Variants in FADS1 observed in about 807,000 individuals in gnomAD.
The protein encoded by FADS1 is acyl-CoA (8-3)-desaturase.
A neutral mutation model predicts 61.6 loss-of-function variants in FADS1; 17 were observed. The observed-to-expected ratio is 0.28, with a 90% CI of 0.19 to 0.41. FADS1 has a LOEUF of 0.41. FADS1 is among the 10% of genes least tolerant of loss of function. FADS1 has a pLI of 1.00. For synonymous variants in FADS1, 238 were observed against 258.7 expected (o/e 0.92, Z 0.77); for missense variants, 387 against 650.9 (o/e 0.59, Z 4.41).
At chr11:61,813,545 C>T in intron 1 of FADS1, 192 bp from the exon 2 acceptor site, 1 of 578,114 alleles carries the variant, frequency 1.7e-6, no homozygotes, top group Non-Finnish European at 3.0e-6. Context: ...TTGTAAAATG[C>T]ACCAATCCGT....
chr11:61,809,908 C>T (rs1023812884), intron 5 of FADS1, among the ~76,000 whole-genome samples: 5 of 152,192 alleles, frequency 3.3e-5, no homozygotes, highest in Non-Finnish European at 7.3e-5. Flanking sequence ...TTCTCATGGC[C>T]AGGGGCGAGA....
Position 61,799,660 on chromosome 11 carries a change from A to G in FADS1, c.*2751T>C, listed in dbSNP as rs1371315622. 3 of 152,374 alleles carry G rather than the reference A, an allele frequency of 2.0e-5. No homozygotes were observed. The highest frequency in any genetic ancestry group is 7.2e-5 in the African/African-American group (3 of 41,462). 9.4% of individuals were successfully genotyped at this position (152,374 alleles called of 1,614,324 possible). A position where few individuals can be genotyped will look rare whatever the true frequency, so the allele number is the denominator to read the frequency against. Reference sequence around the variant, plus strand: ...AAAATTAACTTTATTTTTCAACTTCATAGGGATGTGATAACAAAATTGGCA... The same window carrying G: ...AAAATTAACTTTATTTTTCAACTTCGTAGGGATGTGATAACAAAATTGGCA... On this transcript the variant is annotated 3_prime_UTR_variant, in exon 12 of 12. Transcript: ENST00000350997.
In FADS1 at chr11:61,800,487, A is replaced by C. The variant is rs2066848850; in HGVS notation, c.*1924T>G. 6.6e-6 allele frequency: 1 copy of C among 152,196 alleles called. No individual in the cohort carries two copies. The allele number at this position is 152,196 out of a possible 1,614,324, so 9.4% of individuals were successfully genotyped here. ...TGTGTCTTTGTGTTGACAAACCTCT[A>C]ATCTTCCATGTCTTTGTGTTGACAA... On this transcript the variant is annotated 3_prime_UTR_variant, in exon 12 of 12. Coordinates refer to ENST00000350997, the MANE Select transcript of FADS1 (RefSeq NM_013402.7).
chr11:61,807,872 A>T (rs192006577), intron 5 of FADS1, among the ~76,000 whole-genome samples: 1 of 152,244 alleles, frequency 6.6e-6, no homozygotes, highest in African/African-American at 2.4e-5. Context: ...TTTATTCTGT[A>T]CAAGACACTT....
At chr11:61,811,310 CT>C (rs1226819583) in intron 3 of FADS1, among the ~76,000 whole-genome samples, 20 of 147,950 alleles carry the variant, frequency 1.4e-4, no homozygotes, top group Admixed American at 1.3e-4. Flanking sequence ...AAGCTCATGA[CT>C]TTTTTTTTTT....
At chr11:61,811,607 G>A (rs2066931553) in intron 3 of FADS1, among the ~76,000 whole-genome samples, 2 of 144,658 alleles carry the variant, frequency 1.4e-5, no homozygotes, top group African/African-American at 5.2e-5. Context: ...TACCTGGCCT[G>A]TTTTGAGAGT....
At chr11:61,806,846 G>C in intron 5 of FADS1, 122 bp from the exon 6 acceptor site, 1 of 875,874 alleles carries the variant, frequency 1.1e-6, no homozygotes, top group Non-Finnish European at 1.9e-6. Context: ...GGTGCTATTG[G>C]AAAGCTCCAA....
chr11:61,814,802 A>G (rs1048082679), intron 1 of FADS1: 1 of 152,258 alleles, frequency 6.6e-6, no homozygotes, highest in Non-Finnish European at 1.5e-5. Flanking sequence ...AAACCTCTAG[A>G]TACAGAAAAG....
At position 61,803,478 on chromosome 11, in the gene FADS1, A is replaced by T. The variant is rs779910128; in HGVS notation, c.1152-19T>A. On this transcript the variant is annotated intron_variant, in intron 8 of 11. Transcript: ENST00000350997. This position sits in a 1 kb window ranked among gnomAD's most constrained non-coding sequence, Gnocchi z 4.3. ...CAGGAACCTGTTAGATGTATTACAC[A>T]GACAAAAACAGTACACACAGAGCCC... 6.3e-7 allele frequency: 1 copy of T among 1,587,856 alleles called. No homozygotes were observed.
In FADS1 at chr11:61,803,003, G is replaced by T. The variant is rs750791431; in HGVS notation, c.1328+29C>A. ...TACCCAACACTTACACCCTCCCCAG[G>T]ACCCTGCTTCCCCAGGCTCCCTACT... On this transcript the variant is annotated intron_variant, in intron 10 of 11. Transcript: ENST00000350997. The surrounding 1 kb of genome is among the most constrained non-coding windows in gnomAD (Gnocchi z 4.3). 5.6e-6 allele frequency: 9 copies of T among 1,613,880 alleles called. No homozygotes were observed. In the Middle Eastern group the frequency reaches 4.9e-4, roughly 88 times the overall value.
chr11:61,810,143 C>T (rs1487528465), intron 5 of FADS1, among the ~76,000 whole-genome samples: 1 of 152,182 alleles, frequency 6.6e-6, no homozygotes, highest in Non-Finnish European at 1.5e-5. Context: ...ACCAGATCTC[C>T]ACCCCCAGGC....
intron 7 of FADS1, chr11:61,804,124 G>A (rs1244073021): frequency 6.9e-6 from 2 of 288,198 alleles, no homozygotes; most frequent in East Asian, 1.6e-4. Flanking sequence ...ACTGAACCAA[G>A]CACCATACTC....
Position 61,816,814 on chromosome 11 carries a change from G to C in FADS1, c.116C>G (p.Pro39Arg), listed in dbSNP as rs555414942. The change falls in exon 1 of 12, where the codon CCG becomes CGG. Residue 39 changes from proline to arginine, a missense_variant. Around this residue, in one of 2 missense-constraint regions of FADS1, gnomAD observed 130 missense variants for 117.7 expected, o/e 1.10. Coordinates refer to ENST00000350997, the MANE Select transcript of FADS1 (RefSeq NM_013402.7). This position sits in a 1 kb window ranked among gnomAD's most constrained non-coding sequence, Gnocchi z 7.0. ...QQIHSWSPRT[P>R]STRLTAPAGP... ...AGCAGGGGCTGTCAGGCGCGTGCTC[G>C]GGGTCCGCGGGCTCCAGGAGTGGAT... 132 of 1,493,058 alleles carry C rather than the reference G, an allele frequency of 8.8e-5. No individual in the cohort carries two copies. Among genetic ancestry groups the C allele is most frequent in the African/African-American group, 1.5e-4 (10 of 68,480 alleles). The allele number at this position is 1,493,058 out of a possible 1,614,324, so 92.5% of individuals were successfully genotyped here.
chr11:61,802,349 C>G lies in FADS1; in HGVS notation c.*62G>C. On this transcript the variant is annotated 3_prime_UTR_variant, in exon 12 of 12. Transcript: ENST00000350997. The surrounding 1 kb of genome is among the most constrained non-coding windows in gnomAD (Gnocchi z 4.2). ...CTATAGTGGCATTGTCCCTCAAGCT[C>G]CCCTCTGCCTTGGCTCCAGAGTCTT... 7.0e-7 allele frequency: 1 copy of G among 1,420,412 alleles called. No homozygotes were observed. The highest frequency in any genetic ancestry group is 1.2e-5 in the South Asian group (1 of 81,422). The allele number at this position is 1,420,412 out of a possible 1,614,324, so 88.0% of individuals were successfully genotyped here.
intron 4 of FADS1, 25 bp downstream of exon 4, chr11:61,810,949 G>T (rs773212597): frequency 1.2e-6 from 2 of 1,614,048 alleles, no homozygotes; most frequent in Non-Finnish European, 1.7e-6. Flanking sequence ...TGGAGTTTTA[G>T]AGAGCTCCTC....
rs2066860964 is a variant in FADS1 at position 61,802,316 on chromosome 11, G to A, written c.*95C>T. ...TGTCCCCAAACCCAACCCCCTCTGA[G>A]TATTAAACTATAGTGGCATTGTCCC... On this transcript the variant is annotated 3_prime_UTR_variant, in exon 12 of 12. Transcript: ENST00000350997. The surrounding 1 kb of genome is among the most constrained non-coding windows in gnomAD (Gnocchi z 4.2). The A allele has an allele frequency of 2.7e-6, 3 of 1,104,598 alleles. No individual in the cohort carries two copies. Among genetic ancestry groups the A allele is most frequent in the Non-Finnish European group, 4.0e-6 (3 of 742,196 alleles). The allele number at this position is 1,104,598 out of a possible 1,614,324, so 68.4% of individuals were successfully genotyped here. A position where few individuals can be genotyped will look rare whatever the true frequency, so the allele number is the denominator to read the frequency against.
intron 5 of FADS1, among the ~76,000 whole-genome samples, chr11:61,808,013 T>G (rs769129148): frequency 3.9e-5 from 6 of 152,184 alleles, no homozygotes; most frequent in Non-Finnish European, 5.9e-5. Context: ...ATGGAGCTTA[T>G]AACCTTAGGG....
In FADS1 at chr11:61,813,291, C is replaced by T; in HGVS notation, c.438G>A (p.Leu146=). The change falls in exon 2 of 12, where the codon CTG becomes CTA. Residue 146 remains leucine, a synonymous_variant. Coordinates refer to ENST00000350997, the MANE Select transcript of FADS1 (RefSeq NM_013402.7). ...GLVKKYMNSL[L]IGELSPEQPS... is the part of the protein sequence containing the mutation. Reference sequence around the variant, plus strand: ...GCTGCTCTGGAGACAGTTCTCCAATCAGGAGAGAGTTCATATACTTCTTCA... The same window carrying T: ...GCTGCTCTGGAGACAGTTCTCCAATTAGGAGAGAGTTCATATACTTCTTCA... 6.2e-7 allele frequency: 1 copy of T among 1,613,396 alleles called. No homozygotes were observed. Among genetic ancestry groups the T allele is most frequent in the Non-Finnish European group, 8.5e-7 (1 of 1,179,478 alleles).
At position 61,802,769 on chromosome 11, in the gene FADS1, T is replaced by C. The variant is rs748708405; in HGVS notation, c.1454+32A>G. The C allele has an allele frequency of 6.2e-7, 1 of 1,613,806 alleles. No homozygotes were observed. Among genetic ancestry groups the C allele is most frequent in the Non-Finnish European group, 8.5e-7 (1 of 1,179,960 alleles). ...CCATTGCCCTGCCCTCTTCCCTCCC[T>C]ACTAGCCATCTTCCTGGTCTCAGAT... On this transcript the variant is annotated intron_variant, in intron 11 of 11. Coordinates refer to ENST00000350997, the MANE Select transcript of FADS1 (RefSeq NM_013402.7). This position sits in a 1 kb window ranked among gnomAD's most constrained non-coding sequence, Gnocchi z 4.2.
Sources: allele counts gnomAD v4.1 joint callset (sites outside exome capture counted in the v4.1 genomes callset), GRCh38; gene constraint gnomAD v4.1.1; regional missense constraint gnomAD v4.1.1; non-coding constraint Gnocchi (gnomAD v3.1); transcripts MANE v1.5; gene names NCBI Gene and HGNC (gene_info 2026-07-23, HGNC 2026-07-21).